BMPER: variants seen among roughly 807,000 people sequenced by gnomAD.
BMPER encodes the protein BMP-binding endothelial regulator protein.
Under a neutral mutation model 87.3 loss-of-function variants are expected in BMPER, and 45 were observed. The ratio of observed to expected loss-of-function variants is 0.52; its 90% confidence interval spans 0.41 to 0.66. The LOEUF (loss-of-function observed/expected upper bound fraction) is 0.66. BMPER is among the 30% of genes least tolerant of loss of function. The pLI is 0.00. For missense variants in BMPER, 784 were observed against 867.5 expected (o/e 0.90, Z 1.21); for synonymous variants, 326 against 316.2 (o/e 1.03, Z -0.33).
chr7:33,945,728 T>G (rs75711466), intron 3 of BMPER, among the ~76,000 whole-genome samples: 71 of 152,302 alleles, frequency 4.7e-4, no homozygotes, highest in East Asian at 2.5e-3. Flanking sequence ...GAAGGACTTA[T>G]GTTCCCCATT....
rs140007551 is a variant in BMPER, at chr7:34,000,108, A to G, written c.576+25324A>G. Among the ~76,000 whole-genome samples, 541 of 152,308 alleles carry G rather than the reference A, an allele frequency of 3.6e-3. 2 individuals are homozygous for G. The highest frequency in any genetic ancestry group is 5.7e-3 in the Non-Finnish European group (390 of 68,022). ...AACTCATGCATCACGTAATAATCAC[A>G]TGTCGAGTGCACAGGCTGGAGAAGA... On this transcript the variant is annotated intron_variant, in intron 6 of 14. Transcript: ENST00000649409.
At chr7:34,001,035 T>C (rs1456538417) in intron 6 of BMPER, among the ~76,000 whole-genome samples, 1 of 152,026 alleles carries the variant, frequency 6.6e-6, no homozygotes, top group African/African-American at 2.4e-5. Context: ...GCGATAACTC[T>C]CACATGCTAT....
intron 14 of BMPER, among the ~76,000 whole-genome samples, chr7:34,152,259 A>G (rs79366397): frequency 0.01 from 1,582 of 152,276 alleles, 20 homozygotes; most frequent in African/African-American, 0.035. Context: ...CCTGATCTAA[A>G]TTCCTACTTG....
At chr7:33,975,318 G>A (rs1433769703) in intron 6 of BMPER, among the ~76,000 whole-genome samples, 3 of 152,126 alleles carry the variant, frequency 2.0e-5, no homozygotes, top group Non-Finnish European at 1.5e-5. Flanking sequence ...GCGTCCTGAG[G>A]GGTGAGAACC....
intron 2 of BMPER, among the ~76,000 whole-genome samples, chr7:33,916,621 G>C (rs574894478): frequency 6.6e-6 from 1 of 152,224 alleles, no homozygotes; most frequent in African/African-American, 2.4e-5. Flanking sequence ...GGGACTAGAA[G>C]TCCTGCCAAC....
intron 2 of BMPER, among the ~76,000 whole-genome samples, chr7:33,933,278 A>G (rs185615314): frequency 2.0e-3 from 299 of 152,256 alleles, no homozygotes; most frequent in Non-Finnish European, 3.5e-3. Flanking sequence ...TGTTTGGTCA[A>G]TGTTAAAGAA....
At chr7:34,032,595 G>A (rs577110069) in intron 6 of BMPER, among the ~76,000 whole-genome samples, 6 of 152,146 alleles carry the variant, frequency 3.9e-5, no homozygotes, top group African/African-American at 1.2e-4. Context: ...TATACTATTG[G>A]GCTACATGGG....
At chr7:34,121,436 A>G (rs1790261194) in intron 13 of BMPER, among the ~76,000 whole-genome samples, 1 of 152,166 alleles carries the variant, frequency 6.6e-6, no homozygotes, top group South Asian at 2.1e-4. Flanking sequence ...TATAATTTCA[A>G]AGTGAATTCC....
intron 3 of BMPER, among the ~76,000 whole-genome samples, chr7:33,963,395 A>G (rs962712121): frequency 6.6e-6 from 1 of 152,206 alleles, no homozygotes; most frequent in African/African-American, 2.4e-5. Flanking sequence ...TATTACATGT[A>G]ATAATAAAAG....
chr7:34,086,233 T>A, intron 13 of BMPER, 141 bp downstream of exon 13: 3 of 967,816 alleles, frequency 3.1e-6, no homozygotes, highest in Non-Finnish European at 4.7e-6. Flanking sequence ...GTCCAGGAGC[T>A]GATCTCATCT....
chr7:33,960,591 T>C (rs887949632), intron 3 of BMPER, among the ~76,000 whole-genome samples: 1 of 152,190 alleles, frequency 6.6e-6, no homozygotes, highest in African/African-American at 2.4e-5. Context: ...AATATGACTG[T>C]TTGTGTGCTT....
intron 2 of BMPER, among the ~76,000 whole-genome samples, chr7:33,923,834 C>T (rs973051002): frequency 3.9e-5 from 6 of 152,046 alleles, no homozygotes; most frequent in Non-Finnish European, 7.4e-5. Context: ...GTGGATCTTC[C>T]TTATCTTTTC....
At chr7:34,049,045 G>T (rs1369070221) in intron 7 of BMPER, among the ~76,000 whole-genome samples, 2 of 152,168 alleles carry the variant, frequency 1.3e-5, no homozygotes, top group African/African-American at 2.4e-5. Flanking sequence ...ATGATTGGGT[G>T]CTGTTTTGCT....
intron 14 of BMPER, among the ~76,000 whole-genome samples, chr7:34,143,780 A>C (rs1790941298): frequency 6.6e-6 from 1 of 152,220 alleles, no homozygotes; most frequent in Non-Finnish European, 1.5e-5. Context: ...AAAGCCTAGT[A>C]GAATTTTTTT....
At position 33,948,231 on chromosome 7, in the gene BMPER, T is replaced by G. The variant is rs1784933100; in HGVS notation, c.319+10843T>G. On this transcript the variant is annotated intron_variant, in intron 3 of 14. Coordinates refer to ENST00000649409, the MANE Select transcript of BMPER (RefSeq NM_001365308.1). ...TTTTGCCTCCCAAATAAGAAATGAG[T>G]TGCCTTCCCCTAAAAGGTCTGCTAA... is the stretch of plus-strand genomic sequence containing the variant. Among the ~76,000 whole-genome samples the G allele has an allele frequency of 3.3e-5, 5 of 152,180 alleles. No individual in the cohort carries two copies. In the South Asian group the frequency reaches 1.0e-3, roughly 32 times the overall value.
chr7:34,140,230 C>T (rs763890544), intron 13 of BMPER, among the ~76,000 whole-genome samples: 8 of 152,160 alleles, frequency 5.3e-5, no homozygotes, highest in Admixed American at 1.3e-4. Context: ...AGGAGACATT[C>T]CCTGAAAAAC....
chr7:34,123,264 G>C (rs1367443133), intron 13 of BMPER, among the ~76,000 whole-genome samples: 1 of 152,128 alleles, frequency 6.6e-6, no homozygotes, highest in African/African-American at 2.4e-5. Flanking sequence ...GAGTTTACTG[G>C]CTATAATATG....
At chr7:33,975,874 C>G (rs1406630633) in intron 6 of BMPER, among the ~76,000 whole-genome samples, 1 of 152,008 alleles carries the variant, frequency 6.6e-6, no homozygotes, top group Admixed American at 6.5e-5. Flanking sequence ...TGCACCCAAC[C>G]TAGAGAATAC....
intron 13 of BMPER, among the ~76,000 whole-genome samples, chr7:34,123,289 T>C (rs1009061302): frequency 1.3e-5 from 2 of 152,192 alleles, no homozygotes; most frequent in African/African-American, 2.4e-5. Context: ...CCGAAGAGAA[T>C]CAGAGGCCAG....
Sources: gnomAD v4.1 joint callset for allele counts (sites outside exome capture counted in the v4.1 genomes callset) on GRCh38, gnomAD v4.1.1 for gene constraint, MANE v1.5 for transcripts, NCBI Gene and HGNC (gene_info 2026-07-23, HGNC 2026-07-21) for gene names.